Variants in TRAPPC8 observed in about 807,000 individuals in gnomAD.
TRAPPC8 encodes general sporulation gene 1 homolog.
Under a neutral mutation model 174.3 loss-of-function variants are expected in TRAPPC8, and 54 were observed. That is an observed-to-expected ratio of 0.31 (90% CI 0.25 to 0.39). The LOEUF is 0.39. Ranked by LOEUF, TRAPPC8 falls within the 10% of genes least tolerant of loss-of-function variation. TRAPPC8 has a pLI of 1.00. For missense variants in TRAPPC8, 1,531 were observed against 1,699.1 expected, an observed-to-expected ratio of 0.90 and a Z score of 1.74; for synonymous variants, 630 against 579.9, an observed-to-expected ratio of 1.09 and a Z score of -1.24.
chr18:31,929,390 G>T (rs1161504845), intron 2 of TRAPPC8, among the ~76,000 whole-genome samples: 1 of 151,934 alleles, frequency 6.6e-6, no homozygotes, highest in African/African-American at 2.4e-5. Flanking sequence ...AGCCAAGCAT[G>T]GTGGTGTGCA....
At chr18:31,896,312 G>C (rs539526288) in intron 11 of TRAPPC8, 2 of 152,214 alleles carry the variant, frequency 1.3e-5, no homozygotes, top group South Asian at 4.1e-4. Context: ...AAGAAAGAGA[G>C]AGAAGTAAAC....
chr18:31,909,840 G>T, intron 5 of TRAPPC8, 80 bp from the exon 6 acceptor site: 1 of 947,320 alleles, frequency 1.1e-6, no homozygotes, highest in African/African-American at 1.7e-5. Context: ...CAACAACTAT[G>T]GTTACTCTGC....
intron 8 of TRAPPC8, 47 bp downstream of exon 8, chr18:31,908,256 C>G (rs765574589): frequency 1.7e-6 from 2 of 1,190,728 alleles, no homozygotes; most frequent in Non-Finnish European, 2.4e-6. Context: ...AAACACTAGT[C>G]AGAGAGTTAA....
At chr18:31,928,085 G>A (rs901087686) in intron 2 of TRAPPC8, among the ~76,000 whole-genome samples, 2 of 86,028 alleles carry the variant, frequency 2.3e-5, no homozygotes, top group African/African-American at 3.7e-5. Flanking sequence ...GAACCCAGGG[G>A]GAAGAGGTTG....
chr18:31,920,726 C>T (rs1598740902), intron 2 of TRAPPC8, among the ~76,000 whole-genome samples: 1 of 151,808 alleles, frequency 6.6e-6, no homozygotes, highest in East Asian at 1.9e-4. Flanking sequence ...GATCACCTGA[C>T]GTCAGGAGTT....
intron 26 of TRAPPC8, among the ~76,000 whole-genome samples, 190 bp downstream of exon 26, chr18:31,846,526 T>C (rs1384379213): frequency 6.6e-6 from 1 of 151,952 alleles, no homozygotes; most frequent in African/African-American, 2.4e-5. Flanking sequence ...CAGTGAGCCA[T>C]GATTGTGCCA....
At chr18:31,882,380 C>T (rs551026618) in intron 12 of TRAPPC8, among the ~76,000 whole-genome samples, 7 of 152,060 alleles carry the variant, frequency 4.6e-5, no homozygotes, top group African/African-American at 1.7e-4. Context: ...CATGCTCTCA[C>T]TTATAAGTGG....
chr18:31,832,912 A>G (rs919897638), intron 27 of TRAPPC8, among the ~76,000 whole-genome samples: 25 of 152,372 alleles, frequency 1.6e-4, no homozygotes, highest in Middle Eastern at 3.4e-3. Flanking sequence ...TAGTAACCGT[A>G]TAAGTTCATA....
chr18:31,907,707 GAAGAAAACT>G, intron 8 of TRAPPC8, 97 bp from the exon 9 acceptor site: 2 of 1,054,728 alleles, frequency 1.9e-6, no homozygotes, highest in Non-Finnish European at 2.5e-6. Context: ...TCTAGAATAT[GAAGAAAACT>G]AATGCTGTTT....
At chr18:31,858,231 C>A (rs2034136272) in intron 19 of TRAPPC8, among the ~76,000 whole-genome samples, 1 of 121,570 alleles carries the variant, frequency 8.2e-6, no homozygotes, top group African/African-American at 3.2e-5. Context: ...TATCAGTACA[C>A]AAGAGGGCTA....
intron 11 of TRAPPC8, among the ~76,000 whole-genome samples, chr18:31,896,822 C>T (rs991255250): frequency 1.3e-5 from 2 of 152,160 alleles, no homozygotes; most frequent in Admixed American, 1.3e-4. Context: ...CAGGATTACA[C>T]TATGTTGGCC....
intron 11 of TRAPPC8, among the ~76,000 whole-genome samples, chr18:31,895,405 G>A (rs1024352314): frequency 3.9e-5 from 6 of 152,052 alleles, no homozygotes; most frequent in Admixed American, 6.6e-5. Flanking sequence ...TTCTGGGTAC[G>A]TGCACCACCA....
At chr18:31,833,288 CT>C (rs2032486068) in intron 27 of TRAPPC8, 1 of 152,218 alleles carries the variant, frequency 6.6e-6, no homozygotes, top group Non-Finnish European at 1.5e-5. Flanking sequence ...TATACAAATG[CT>C]TCTAGTAGAA....
chr18:31,856,104 TTC>T (rs560481390), intron 20 of TRAPPC8, among the ~76,000 whole-genome samples: 18 of 151,496 alleles, frequency 1.2e-4, no homozygotes, highest in East Asian at 7.7e-4. Flanking sequence ...TTGTGCTTCT[TTC>T]TCTCTCTTTT....
chr18:31,942,950 AC>A lies in TRAPPC8; in HGVS notation c.-187del, dbSNP rs1251263865. Reference sequence around the variant, plus strand: ...TCGGTTTCTGGGGCACAATCCACTGACCCCCCCCTTCCCGTCACCGCCGCTT... The same window carrying A: ...TCGGTTTCTGGGGCACAATCCACTGACCCCCCCTTCCCGTCACCGCCGCTT... On this transcript the variant is annotated 5_prime_UTR_variant, in exon 1 of 29. Transcript: ENST00000283351. 1.2e-4 allele frequency: 140 copies of A among 1,151,036 alleles called. No individual in the cohort carries two copies. Among genetic ancestry groups the A allele is most frequent in the Middle Eastern group, 6.5e-4 (2 of 3,098 alleles). 71.3% of individuals were successfully genotyped at this position (1,151,036 alleles called of 1,614,324 possible).
chr18:31,870,684 G>C (rs2034810925), intron 15 of TRAPPC8, among the ~76,000 whole-genome samples, 182 bp from the exon 16 acceptor site: 1 of 152,138 alleles, frequency 6.6e-6, no homozygotes, highest in Non-Finnish European at 1.5e-5. Flanking sequence ...TCCTTGAAAA[G>C]ATTTCCCCAA....
intron 14 of TRAPPC8, among the ~76,000 whole-genome samples, chr18:31,872,220 G>C (rs892746451): frequency 7.2e-5 from 11 of 151,840 alleles, no homozygotes; most frequent in South Asian, 4.2e-4. Context: ...CTGTTTCTGA[G>C]TTATTTAATG....
intron 10 of TRAPPC8, among the ~76,000 whole-genome samples, chr18:31,900,690 CA>C (rs1255776971): frequency 6.6e-6 from 1 of 152,184 alleles, no homozygotes; most frequent in East Asian, 1.9e-4. Context: ...CCCCACAATA[CA>C]AATTACCTTC....
intron 16 of TRAPPC8, among the ~76,000 whole-genome samples, chr18:31,868,371 ATTATT>A (rs1273562275): frequency 5.9e-5 from 9 of 152,236 alleles, no homozygotes; most frequent in South Asian, 2.1e-4. Flanking sequence ...ATAGAAAAAT[ATTATT>A]TTAAGAAACA....
Sources: gnomAD v4.1 joint callset for allele counts (sites outside exome capture counted in the v4.1 genomes callset) on GRCh38, gnomAD v4.1.1 for gene constraint, MANE v1.5 for transcripts, NCBI Gene and HGNC (gene_info 2026-07-23, HGNC 2026-07-21) for gene names.